Variants in GLRA2 observed in about 807,000 individuals in gnomAD.
GLRA2 encodes the protein glycine receptor alpha 2.
In GLRA2, 11 loss-of-function variants were observed where a neutral mutation model predicts 31.6. The ratio of observed to expected loss-of-function variants is 0.35; its 90% confidence interval spans 0.22 to 0.58. The LOEUF is 0.58. Among genes scored for constraint, GLRA2 ranks in the 20% least tolerant of loss-of-function variants. The pLI is 0.84. For missense variants in GLRA2, 212 were observed against 351.8 expected (o/e 0.60, Z 3.18); for synonymous variants, 132 against 134.0 (o/e 0.99, Z 0.10).
chrX:14,625,073 G>A (rs1374138816), intron 7 of GLRA2, among the ~76,000 whole-genome samples: 1 of 111,093 alleles, frequency 9.0e-6, no homozygotes, highest in Non-Finnish European at 1.9e-5. Flanking sequence ...GTTAGCTCTT[G>A]TTGAATTGAT....
chrX:14,571,105 G>A (rs767074428), intron 2 of GLRA2, among the ~76,000 whole-genome samples: 12 of 111,289 alleles, frequency 1.1e-4, no homozygotes, highest in Non-Finnish European at 2.1e-4. Context: ...AAGGAACGAA[G>A]GATAGGAATG....
intron 7 of GLRA2, among the ~76,000 whole-genome samples, chrX:14,621,368 C>CTT (rs370909021): frequency 0.028 from 2,975 of 106,545 alleles, 67 homozygotes; most frequent in African/African-American, 0.077. Flanking sequence ...ATTATTTGTT[C>CTT]TTTTTTTTTT....
At chrX:14,470,652 G>T in the GLRA2 span, among the ~76,000 whole-genome samples, 1 of 111,786 alleles carries the variant, frequency 8.9e-6, no homozygotes, top group African/African-American at 3.2e-5. Context: ...ACCCTGCCTA[G>T]AAACATGAGG....
chrX:14,493,387 T>C, the GLRA2 span, among the ~76,000 whole-genome samples: 57 of 108,519 alleles, frequency 5.3e-4, no homozygotes, highest in African/African-American at 1.9e-3. Context: ...CAAATACTTA[T>C]GTGAAATGAA....
At chrX:14,474,749 G>A in the GLRA2 span, among the ~76,000 whole-genome samples, 1 of 106,780 alleles carries the variant, frequency 9.4e-6, no homozygotes, top group Admixed American at 1.0e-4. Flanking sequence ...GATGACTGGG[G>A]CCTCTCCCCT....
chrX:14,635,417 T>C (rs1284558286), intron 7 of GLRA2, among the ~76,000 whole-genome samples: 3 of 111,581 alleles, frequency 2.7e-5, no homozygotes, highest in Non-Finnish European at 5.7e-5. Flanking sequence ...ACCACACACA[T>C]GTGGCTGAGG....
chrX:14,526,452 G>T (rs1328840143), upstream of GLRA2, among the ~76,000 whole-genome samples: 1 of 112,187 alleles, frequency 8.9e-6, no homozygotes, highest in Non-Finnish European at 1.9e-5. Context: ...ACCAGCTGTT[G>T]GTTCAGGTAG....
At chrX:14,579,639 C>T (rs1430035891) in intron 3 of GLRA2, among the ~76,000 whole-genome samples, 2 of 112,058 alleles carry the variant, frequency 1.8e-5, no homozygotes, top group Non-Finnish European at 3.8e-5. Context: ...CCAAGTCTGA[C>T]ATTTTTTAAA....
intron 7 of GLRA2, among the ~76,000 whole-genome samples, chrX:14,670,218 T>C (rs1222371836): frequency 1.8e-5 from 2 of 111,869 alleles, no homozygotes; most frequent in Non-Finnish European, 3.8e-5. Context: ...TGGACCTTAT[T>C]GTTCATATCA....
At chrX:14,501,654 C>T in the GLRA2 span, among the ~76,000 whole-genome samples, 4,413 of 111,860 alleles carry the variant, frequency 0.039, 233 homozygotes, top group African/African-American at 0.14. Context: ...ACTGCTCTCC[C>T]TCTGAAGAAA....
At chrX:14,501,607 A>G in the GLRA2 span, among the ~76,000 whole-genome samples, 1 of 111,760 alleles carries the variant, frequency 8.9e-6, no homozygotes, top group African/African-American at 3.3e-5. Flanking sequence ...GAGCCGTTCC[A>G]GAATTTCAAA....
intron 4 of GLRA2, among the ~76,000 whole-genome samples, chrX:14,590,392 T>A (rs192480808): frequency 3.6e-5 from 4 of 111,815 alleles, no homozygotes; most frequent in African/African-American, 9.8e-5. Flanking sequence ...TCTACCCACA[T>A]ACATAAAAGG....
chrX:14,460,892 T>C, the GLRA2 span, among the ~76,000 whole-genome samples: 5 of 111,062 alleles, frequency 4.5e-5, no homozygotes, highest in Non-Finnish European at 7.5e-5. Context: ...ATTTCTTGTC[T>C]TCTGCTAGCT....
At chrX:14,623,896 A>G (rs1366253221) in intron 7 of GLRA2, among the ~76,000 whole-genome samples, 3 of 111,339 alleles carry the variant, frequency 2.7e-5, no homozygotes, top group South Asian at 7.5e-4. Context: ...CTCTTTTTCT[A>G]TTGATTGGAA....
Position 14,573,799 on chromosome X carries a change from A to G in GLRA2, c.203-534A>G, listed in dbSNP as rs188739017. ...TTTGTTTGTTATATTTCTGTACATC[A>G]TTTCTCATTGGTGGTCAGAGGATAT... On this transcript the variant is annotated intron_variant, in intron 2 of 8. Transcript: ENST00000218075. 2.7e-4 allele frequency among the ~76,000 whole-genome samples: 30 copies of G among 110,616 alleles called. 1 individual carries two copies. The East Asian group carries it at 8.5e-3, about 31-fold the overall frequency.
chrX:14,481,632 A>G, the GLRA2 span, among the ~76,000 whole-genome samples: 2 of 111,980 alleles, frequency 1.8e-5, no homozygotes, highest in Non-Finnish European at 3.8e-5. Flanking sequence ...GAGTTGTATT[A>G]CTTATCTAAA....
intron 4 of GLRA2, among the ~76,000 whole-genome samples, chrX:14,592,615 T>G (rs1294791829): frequency 3.6e-5 from 4 of 111,184 alleles, no homozygotes; most frequent in Non-Finnish European, 7.5e-5. Context: ...GAGGCTGTAG[T>G]GAGCCAAGAT....
intron 2 of GLRA2, among the ~76,000 whole-genome samples, chrX:14,556,955 A>T (rs1409261017): frequency 9.0e-6 from 1 of 111,376 alleles, no homozygotes; most frequent in Non-Finnish European, 1.9e-5. Flanking sequence ...CTCAATAAAT[A>T]TTTGTTGATT....
chrX:14,713,356 TTG>T (rs2091740265), intron 8 of GLRA2, among the ~76,000 whole-genome samples: 1 of 112,098 alleles, frequency 8.9e-6, no homozygotes, highest in African/African-American at 3.2e-5. Context: ...TCTTAGAATT[TTG>T]TGTGTCTTTT....
Sources: allele counts gnomAD v4.1 joint callset (sites outside exome capture counted in the v4.1 genomes callset), GRCh38; gene constraint gnomAD v4.1.1; transcripts MANE v1.5; gene names NCBI Gene and HGNC (gene_info 2026-07-23, HGNC 2026-07-21).